PDE8A: variants seen among roughly 807,000 people sequenced by gnomAD.
PDE8A encodes the protein phosphodiesterase 8A.
A neutral mutation model predicts 105.0 loss-of-function variants in PDE8A; 59 were observed. The ratio of observed to expected loss-of-function variants is 0.56; its 90% CI spans 0.46 to 0.70. PDE8A has a LOEUF of 0.70. Among genes scored for constraint, PDE8A ranks in the 30% least tolerant of loss-of-function variants. The pLI is 0.00. For synonymous variants in PDE8A, 355 were observed against 371.9 expected, an observed-to-expected ratio of 0.95 and a Z score of 0.52; for missense variants, 1,014 against 1,045.9, an observed-to-expected ratio of 0.97 and a Z score of 0.42.
At chr15:84,988,925 T>A (rs977476006) in intron 1 of PDE8A, among the ~76,000 whole-genome samples, 4 of 152,374 alleles carry the variant, frequency 2.6e-5, no homozygotes, top group Admixed American at 6.5e-5. Context: ...TGAAAGGGCT[T>A]TTATTCATGT....
chr15:85,085,034 CCTT>C (rs1312910260), intron 6 of PDE8A, among the ~76,000 whole-genome samples: 2 of 152,180 alleles, frequency 1.3e-5, no homozygotes, highest in Non-Finnish European at 2.9e-5. Flanking sequence ...AGTCTTGACT[CCTT>C]CTTCATTCTC....
intron 1 of PDE8A, among the ~76,000 whole-genome samples, chr15:85,036,390 T>C (rs2080706699): frequency 6.6e-6 from 1 of 152,176 alleles, no homozygotes; most frequent in Admixed American, 6.5e-5. Flanking sequence ...TAGTTGACCG[T>C]GTTAGAGACA....
At chr15:85,049,636 C>T (rs780338441) in intron 1 of PDE8A, among the ~76,000 whole-genome samples, 6 of 152,190 alleles carry the variant, frequency 3.9e-5, no homozygotes, top group Non-Finnish European at 8.8e-5. Context: ...GTTGAGCTCA[C>T]TCCCAGGCCC....
At chr15:85,089,863 C>T (rs2081613534) in intron 7 of PDE8A, among the ~76,000 whole-genome samples, 1 of 152,170 alleles carries the variant, frequency 6.6e-6, no homozygotes, top group African/African-American at 2.4e-5. Flanking sequence ...TCAGAAATAA[C>T]ATACCTAGTA....
intron 5 of PDE8A, among the ~76,000 whole-genome samples, chr15:85,077,333 G>A (rs572630278): frequency 6.6e-6 from 1 of 152,226 alleles, no homozygotes; most frequent in South Asian, 2.1e-4. Context: ...GGTTGCTTGG[G>A]GCTTTGGTCA....
At position 85,114,028 on chromosome 15, in the gene PDE8A, C is replaced by A; in HGVS notation, c.1341C>A (p.Gly447=). ...DDPHANDLVG[G]LMSDGLRRLS... ...CCCATGCCAATGACCTTGTTGGGGG[C>A]TTAATGTCTGTAAGTATATTTGACT... The change falls in exon 14 of 22, where the codon GGC becomes GGA. Residue 447 remains glycine (G), a synonymous_variant. Transcript: ENST00000394553. 6.2e-7 allele frequency: 1 copy of A among 1,612,924 alleles called. No homozygotes were observed. The highest frequency in any genetic ancestry group is 8.5e-7 in the Non-Finnish European group (1 of 1,178,970).
intron 1 of PDE8A, among the ~76,000 whole-genome samples, chr15:85,036,748 G>T (rs2080713115): frequency 6.6e-6 from 1 of 152,138 alleles, no homozygotes; most frequent in South Asian, 2.1e-4. Context: ...GGAAGTTGCA[G>T]CAGGAGGGAC....
chr15:85,115,908 A>G (rs2082088533), intron 15 of PDE8A, 76 bp from the exon 16 acceptor site: 1 of 1,281,750 alleles, frequency 7.8e-7, no homozygotes, highest in Admixed American at 2.0e-5. Context: ...CAACAGAGTG[A>G]GATTCCGTCT....
chr15:85,097,483 T>G lies in PDE8A; in HGVS notation c.853-465T>G, dbSNP rs536618115. On this transcript the variant is annotated intron_variant, in intron 8 of 21. Transcript: ENST00000394553. ...CACCCTATATACAGGGGGTGAAGCC[T>G]TCACACATCCCAGAAGGGCCTCAAG... is the stretch of plus-strand genomic sequence containing the variant. 2.6e-5 allele frequency among the ~76,000 whole-genome samples: 4 copies of G among 152,232 alleles called. No homozygotes were observed. The East Asian group carries it at 7.7e-4, about 29-fold the overall frequency.
rs549358590 is a variant in PDE8A, at chr15:85,055,317, C to G, written c.187-9053C>G. ...TTGGGGTGGAGAGTTCTGTAGATGT[C>G]TATTAGGTCTGCTTGGTGCAGAGCT... On this transcript the variant is annotated intron_variant, in intron 1 of 21. Transcript: ENST00000394553. 2.0e-5 allele frequency among the ~76,000 whole-genome samples: 3 copies of G among 152,242 alleles called. No individual in the cohort carries two copies. The East Asian group carries it at 5.8e-4, about 29-fold the overall frequency.
intron 1 of PDE8A, among the ~76,000 whole-genome samples, chr15:85,047,846 AT>A (rs1399105655): frequency 6.6e-6 from 1 of 152,226 alleles, no homozygotes; most frequent in Non-Finnish European, 1.5e-5. Context: ...GACCAACACT[AT>A]GTAAATATGT....
Position 85,100,180 on chromosome 15 carries a change from C to G in PDE8A, c.1018C>G (p.Gln340Glu), listed in dbSNP as rs1024765861. The G allele has an allele frequency of 1.2e-6, 2 of 1,613,356 alleles. No individual in the cohort carries two copies. Among genetic ancestry groups the G allele is most frequent in the Admixed American group, 1.7e-5 (1 of 59,988 alleles). The change falls in exon 11 of 22, where the codon CAG (glutamine) becomes GAG (glutamate). Residue 340 changes from glutamine to glutamate, a missense_variant. Transcript: ENST00000394553. ...GGCTGAGAAAATATCCGAATGTGTT[C>G]AGTCTGACACTCATACAGGTACGGT... is the stretch of plus-strand genomic sequence containing the variant. ...NKAEKISECV[Q>E]SDTHTDNQTG... is the part of the protein sequence containing the mutation.
At chr15:85,017,262 CAAAAA>C (rs11300943) in intron 1 of PDE8A, among the ~76,000 whole-genome samples, 12 of 143,652 alleles carry the variant, frequency 8.4e-5, no homozygotes, top group African/African-American at 3.1e-4. Context: ...AGCGAGACTC[CAAAAA>C]AAAAAAAAAT....
intron 20 of PDE8A, among the ~76,000 whole-genome samples, chr15:85,127,848 A>C (rs561700560): frequency 9.2e-5 from 14 of 152,258 alleles, no homozygotes; most frequent in Non-Finnish European, 1.8e-4. Flanking sequence ...TTGAATAAGC[A>C]AAGCAAACTT....
intron 5 of PDE8A, among the ~76,000 whole-genome samples, chr15:85,077,813 C>T (rs539331590): frequency 6.6e-6 from 1 of 152,080 alleles, no homozygotes; most frequent in African/African-American, 2.4e-5. Context: ...AGTGGCATAG[C>T]AAATTTTATG....
chr15:85,059,421 G>T (rs1248425598), intron 1 of PDE8A, among the ~76,000 whole-genome samples: 1 of 152,074 alleles, frequency 6.6e-6, no homozygotes, highest in East Asian at 1.9e-4. Flanking sequence ...TATTGAGAGG[G>T]GGGTGTTGAA....
At chr15:85,040,386 A>AC (rs1208527425) in intron 1 of PDE8A, among the ~76,000 whole-genome samples, 1 of 150,320 alleles carries the variant, frequency 6.7e-6, no homozygotes, top group East Asian at 2.0e-4. Context: ...AAAAAAAAAA[A>AC]AAAAGAAAAG....
chr15:85,097,064 A>G (rs574838439), intron 8 of PDE8A, among the ~76,000 whole-genome samples: 11 of 152,164 alleles, frequency 7.2e-5, no homozygotes, highest in African/African-American at 2.2e-4. Flanking sequence ...GCCTGGGTCA[A>G]CTCTAGGTCC....
intron 4 of PDE8A, among the ~76,000 whole-genome samples, chr15:85,076,221 T>A (rs1342141342): frequency 6.6e-6 from 1 of 152,108 alleles, no homozygotes; most frequent in African/African-American, 2.4e-5. Flanking sequence ...GCCTTCTAAC[T>A]CCAAATATCT....
Sources: allele counts gnomAD v4.1 joint callset (sites outside exome capture counted in the v4.1 genomes callset), GRCh38; gene constraint gnomAD v4.1.1; transcripts MANE v1.5; gene names NCBI Gene and HGNC (gene_info 2026-07-23, HGNC 2026-07-21).